Variants in CAPN8 observed in about 807,000 individuals in gnomAD.
CAPN8 encodes calpain-8.
Under a neutral mutation model 80.9 loss-of-function variants are expected in CAPN8, and 87 were observed. The ratio of observed to expected loss-of-function variants is 1.07; its 90% CI spans 0.90 to 1.28. The LOEUF (loss-of-function observed/expected upper bound fraction) is 1.28. Among genes scored for constraint, CAPN8 ranks in the 50% most tolerant of loss-of-function variants. The pLI is 0.00. For synonymous variants in CAPN8, 299 were observed against 273.8 expected (o/e 1.09, Z -0.91); for missense variants, 757 against 702.0 (o/e 1.08, Z -0.89).
intron 2 of CAPN8, 48 bp downstream of exon 2, chr1:223,654,282 C>T (rs1388742571): frequency 6.7e-7 from 1 of 1,494,232 alleles, no homozygotes; most frequent in South Asian, 1.2e-5. Flanking sequence ...ATGACACATA[C>T]ACACCCGCCC....
At chr1:223,661,489 G>A (rs868749446) in intron 1 of CAPN8, among the ~76,000 whole-genome samples, 1 of 152,120 alleles carries the variant, frequency 6.6e-6, no homozygotes, top group Non-Finnish European at 1.5e-5. Context: ...AATTTGTTGG[G>A]CATTGTTACG....
At chr1:223,616,210 T>C in intron 9 of CAPN8, 65 bp from the exon 10 acceptor site, 1 of 1,473,672 alleles carries the variant, frequency 6.8e-7, no homozygotes, top group Non-Finnish European at 9.1e-7. Context: ...AAGAATAAAG[T>C]AAAAGGGAAG....
At chr1:223,542,291 G>A (rs1377671687) in intron 20 of CAPN8, among the ~76,000 whole-genome samples, 4 of 151,274 alleles carry the variant, frequency 2.6e-5, no homozygotes, top group African/African-American at 9.7e-5. Context: ...ATTCCTATAT[G>A]TGCATATTTG....
chr1:223,613,512 G>A (rs1340784338), intron 10 of CAPN8, among the ~76,000 whole-genome samples: 1 of 152,218 alleles, frequency 6.6e-6, no homozygotes, highest in African/African-American at 2.4e-5. Flanking sequence ...CAGAAACTGA[G>A]CCAGGCAGGT....
At chr1:223,555,736 G>A (rs1159569744) in intron 13 of CAPN8, among the ~76,000 whole-genome samples, 1 of 152,166 alleles carries the variant, frequency 6.6e-6, no homozygotes, top group Admixed American at 6.5e-5. Flanking sequence ...GCACATAGCA[G>A]GCATCCCGTC....
rs1331913444 is a variant in CAPN8, at chr1:223,656,668, G to GTTTT, written c.238-2273_238-2270dup. Among the ~76,000 whole-genome samples the GTTTT allele has an allele frequency of 7.1e-3, 674 of 94,674 alleles. 103 individuals carry two copies. Among genetic ancestry groups the GTTTT allele is most frequent in the South Asian group, 0.013 (31 of 2,462 alleles). 62.1% of individuals were successfully genotyped at this position (94,674 alleles called of 152,430 possible). A position where few individuals can be genotyped will look rare whatever the true frequency, so the allele number is the denominator to read the frequency against. On this transcript the variant is annotated intron_variant, in intron 1 of 20. Transcript: ENST00000366872. The stretch of plus-strand genomic sequence containing the variant: ...ATTTATGTACATACACACGTTTTGG[G>GTTTT]TTTTTTTGTTTTGTTTTTTTTTTTT...
intron 14 of CAPN8, 98 bp downstream of exon 14, chr1:223,553,734 T>A: frequency 2.5e-6 from 1 of 398,168 alleles, no homozygotes; most frequent in Non-Finnish European, 4.4e-6. Flanking sequence ...CTCACCCTTT[T>A]TATGCCTAGA....
At chr1:223,641,927 C>T (rs918929475) in intron 2 of CAPN8, among the ~76,000 whole-genome samples, 1 of 152,164 alleles carries the variant, frequency 6.6e-6, no homozygotes, top group African/African-American at 2.4e-5. Flanking sequence ...GCCACGTGTT[C>T]CCTCACTCCT....
At chr1:223,615,508 C>T (rs1657141981) in intron 10 of CAPN8, among the ~76,000 whole-genome samples, 1 of 152,146 alleles carries the variant, frequency 6.6e-6, no homozygotes, top group Non-Finnish European at 1.5e-5. Flanking sequence ...TCCATCACCC[C>T]AGCTCATGCC....
At chr1:223,547,740 C>T (rs548669988) in intron 16 of CAPN8, among the ~76,000 whole-genome samples, 1 of 152,280 alleles carries the variant, frequency 6.6e-6, no homozygotes, top group African/African-American at 2.4e-5. Flanking sequence ...CAGAGAGTCA[C>T]ACTCCTCTTT....
chr1:223,665,380 T>A (rs1457927847), intron 1 of CAPN8, 30 bp downstream of exon 1: 4 of 1,530,956 alleles, frequency 2.6e-6, no homozygotes, highest in Non-Finnish European at 3.5e-6. Context: ...CCACCTTGTA[T>A]GTCACTCAAC....
At chr1:223,616,277 G>T in intron 9 of CAPN8, 132 bp from the exon 10 acceptor site, 2 of 1,026,506 alleles carry the variant, frequency 1.9e-6, no homozygotes, top group Non-Finnish European at 2.8e-6. Context: ...TAGTAAGCAG[G>T]CCTCAGAAAG....
intron 16 of CAPN8, among the ~76,000 whole-genome samples, chr1:223,547,051 T>A (rs898182838): frequency 2.0e-5 from 3 of 152,116 alleles, no homozygotes; most frequent in Admixed American, 6.5e-5. Context: ...GTAGCTGGGA[T>A]TACAGACATG....
chr1:223,622,572 C>G, intron 7 of CAPN8: 1 of 545,848 alleles, frequency 1.8e-6, no homozygotes, highest in Non-Finnish European at 3.2e-6. Context: ...CAAAATTCCA[C>G]AGAGCCGCCA....
chr1:223,620,106 G>C, intron 8 of CAPN8, 86 bp downstream of exon 8: 1 of 1,154,326 alleles, frequency 8.7e-7, no homozygotes, highest in Admixed American at 2.0e-5. Flanking sequence ...CGCCTTCCTG[G>C]AAGACCCAGA....
intron 2 of CAPN8, among the ~76,000 whole-genome samples, chr1:223,634,048 C>A (rs928221064): frequency 2.0e-5 from 3 of 152,202 alleles, no homozygotes; most frequent in Non-Finnish European, 4.4e-5. Context: ...GTATGCCCTG[C>A]TGCCCATTCA....
chr1:223,628,249 T>C (rs1657659084), intron 3 of CAPN8, 107 bp from the exon 4 acceptor site: 4 of 1,315,346 alleles, frequency 3.0e-6, no homozygotes, highest in South Asian at 3.1e-5. Context: ...TGTTCGAGTC[T>C]TGGCTCCTTA....
intron 1 of CAPN8, among the ~76,000 whole-genome samples, chr1:223,656,936 G>A (rs374410853): frequency 5.9e-5 from 9 of 151,916 alleles, no homozygotes; most frequent in Non-Finnish European, 1.2e-4. Context: ...CGCCCGCCTC[G>A]GCCTCCCAAA....
chr1:223,633,686 T>C (rs1657837527), intron 2 of CAPN8, among the ~76,000 whole-genome samples: 1 of 151,864 alleles, frequency 6.6e-6, no homozygotes, highest in Admixed American at 6.6e-5. Context: ...TAAAATAAAA[T>C]CCACCAGGAG....
Sources: allele counts gnomAD v4.1 joint callset (sites outside exome capture counted in the v4.1 genomes callset), GRCh38; gene constraint gnomAD v4.1.1; transcripts MANE v1.5; gene names NCBI Gene and HGNC (gene_info 2026-07-23, HGNC 2026-07-21).